The following SCN3B variants were observed in gnomAD, a reference collection of about 807,000 sequenced individuals.
SCN3B encodes sodium voltage-gated channel beta subunit 3.
Under a neutral mutation model 25.4 loss-of-function variants are expected in SCN3B, and 11 were observed. The observed-to-expected ratio is 0.43, with a 90% CI of 0.27 to 0.72. The LOEUF is 0.72. SCN3B is among the 30% of genes least tolerant of loss of function. The pLI is 0.18. For synonymous variants in SCN3B, 109 were observed against 110.7 expected, an observed-to-expected ratio of 0.99 and a Z score of 0.09; for missense variants, 218 against 278.3, an observed-to-expected ratio of 0.78 and a Z score of 1.54.
chr11:123,648,014 G>A (rs2137249994), intron 2 of SCN3B, among the ~76,000 whole-genome samples: 1 of 152,326 alleles, frequency 6.6e-6, no homozygotes, highest in East Asian at 1.9e-4. Context: ...TGAGTCTGAA[G>A]TATTGATTAT....
Position 123,642,670 on chromosome 11 carries a change from A to C in SCN3B, c.221T>G (p.Ile74Ser). The C allele has an allele frequency of 6.2e-7, 1 of 1,613,132 alleles. No homozygotes were observed. Among genetic ancestry groups the C allele is most frequent in the East Asian group, 2.2e-5 (1 of 44,864 alleles). Residue 74 changes from isoleucine (I) to serine (S), a missense_variant and splice_region_variant, in exon 4 of 7, where the codon ATT becomes AGT. Coordinates refer to ENST00000299333, the MANE Select transcript of SCN3B (RefSeq NM_001040151.2). This position sits in a 1 kb window ranked among gnomAD's most constrained non-coding sequence, Gnocchi z 4.3. ...YRPEGGKDFL[I>S]YEYRNGHQEV... is the part of the protein sequence containing the mutation. ...CTGGTGGCCATTCCGATACTCGTAA[A>C]TCTGCAGATAGAGGAGCAGAAGAGG...
intron 1 of SCN3B, 180 bp downstream of exon 1, chr11:123,654,046 T>TA (rs1955963949): frequency 1.7e-6 from 1 of 576,882 alleles, no homozygotes; most frequent in African/African-American, 1.9e-5. Context: ...GATCAGCCGC[T>TA]CCGCGCCCGC....
chr11:123,636,866 T>C (rs1955732986), intron 5 of SCN3B, among the ~76,000 whole-genome samples: 1 of 152,140 alleles, frequency 6.6e-6, no homozygotes, highest in Admixed American at 6.5e-5. Flanking sequence ...GCTAATTTTT[T>C]GTAGTTTTAG....
chr11:123,641,384 T>G (rs951945116), intron 4 of SCN3B, among the ~76,000 whole-genome samples: 3 of 152,232 alleles, frequency 2.0e-5, no homozygotes, highest in African/African-American at 7.2e-5. Context: ...TGTCTCTTTC[T>G]CCTTTGTTCA....
rs907995787 is a variant in SCN3B, at chr11:123,632,614, C to T, written c.*1185G>A. On this transcript the variant is annotated 3_prime_UTR_variant, in exon 7 of 7. Transcript: ENST00000299333. ...ACTAGCCTGGCCAACATAGTCAAAC[C>T]CTGTCTGTACTAAAAATACAAAATT... 1 of 152,034 alleles carries T rather than the reference C, an allele frequency of 6.6e-6. No individual in the cohort carries two copies. Among genetic ancestry groups the T allele is most frequent in the African/African-American group, 2.4e-5 (1 of 41,372 alleles). 9.4% of individuals were successfully genotyped at this position (152,034 alleles called of 1,614,324 possible).
In SCN3B at chr11:123,645,594, T is replaced by A. The variant is rs751036332; in HGVS notation, c.212A>T (p.Asp71Val). 1.2e-6 allele frequency: 2 copies of A among 1,613,926 alleles called. No homozygotes were observed. The highest frequency in any genetic ancestry group is 2.2e-5 in the South Asian group (2 of 91,088). Reference protein sequence around the residue: ...EWFYRPEGGKDFLIYEYRNGH... With the variant: ...EWFYRPEGGKVFLIYEYRNGH... ...GTCAGCAGTCTAACATACAAGGAAA[T>A]CTTTACCGCCCTCGGGCCTGTAGAA... The change falls in exon 3 of 7, where the codon GAT becomes GTT. Residue 71 changes from aspartate (D) to valine (V), a missense_variant. By Grantham distance (152) the Asp-to-Val change is radical (BLOSUM62 -3). Transcript: ENST00000299333.
chr11:123,651,632 G>C (rs1472113357), intron 2 of SCN3B, among the ~76,000 whole-genome samples: 1 of 152,170 alleles, frequency 6.6e-6, no homozygotes, highest in Non-Finnish European at 1.5e-5. Flanking sequence ...CCAAATTGTT[G>C]GGATTACAGG....
chr11:123,647,293 T>C (rs1955864857), intron 2 of SCN3B, among the ~76,000 whole-genome samples: 1 of 151,942 alleles, frequency 6.6e-6, no homozygotes, highest in Admixed American at 6.6e-5. Context: ...CTGGGCAACA[T>C]AGTGAGACCC....
chr11:123,633,602 T>C lies in SCN3B; in HGVS notation c.*197A>G, dbSNP rs1955695304. 5.0e-6 allele frequency: 1 copy of C among 199,634 alleles called. No homozygotes were observed. The highest frequency in any genetic ancestry group is 2.3e-5 in the African/African-American group (1 of 43,104). 12.4% of individuals were successfully genotyped at this position (199,634 alleles called of 1,614,324 possible). A position where few individuals can be genotyped will look rare whatever the true frequency, so the allele number is the denominator to read the frequency against. Reference sequence around the variant, plus strand: ...GGCAGAGTCTTATGGTGCGTAGAGGTCTGATGGAGTTAGGGAGTCAGAGGT... The same window carrying C: ...GGCAGAGTCTTATGGTGCGTAGAGGCCTGATGGAGTTAGGGAGTCAGAGGT... On this transcript the variant is annotated 3_prime_UTR_variant, in exon 7 of 7. Coordinates refer to ENST00000299333, the MANE Select transcript of SCN3B (RefSeq NM_001040151.2).
chr11:123,637,405 A>G (rs771591380), intron 5 of SCN3B, among the ~76,000 whole-genome samples: 11 of 152,216 alleles, frequency 7.2e-5, no homozygotes, highest in Non-Finnish European at 1.6e-4. Context: ...AGCACTAGAG[A>G]GACCTGGGTT....
chr11:123,640,952 C>A (rs2137239776), intron 4 of SCN3B: 1 of 152,238 alleles, frequency 6.6e-6, no homozygotes, highest in East Asian at 1.9e-4. Flanking sequence ...GTTTTTCCTT[C>A]TGTTTTTACC....
chr11:123,641,985 A>G (rs905795441), intron 4 of SCN3B, among the ~76,000 whole-genome samples: 1 of 152,168 alleles, frequency 6.6e-6, no homozygotes, highest in African/African-American at 2.4e-5. Flanking sequence ...AAAGCCCTGC[A>G]GGAGATTTTG....
At position 123,642,528 on chromosome 11, in the gene SCN3B, A is replaced by G. The variant is rs886038881; in HGVS notation, c.363T>C (p.Asn121=). The G allele has an allele frequency of 2.5e-6, 4 of 1,614,090 alleles. No homozygotes were observed. Among genetic ancestry groups the G allele is most frequent in the Non-Finnish European group, 3.4e-6 (4 of 1,179,990 alleles). ...TLNDSGLYTC[N]VSREFEFEAH... is the part of the protein sequence containing the mutation. ...CCTCAAACTCAAACTCCCGGGACAC[A>G]TTGCAGGTGTAGAGGCCAGAGTCGT... Residue 121 remains asparagine, a synonymous_variant, in exon 4 of 7, where the codon AAT becomes AAC. Transcript: ENST00000299333. The surrounding 1 kb of genome is among the most constrained non-coding windows in gnomAD (Gnocchi z 4.3).
intron 5 of SCN3B, among the ~76,000 whole-genome samples, chr11:123,637,506 C>T (rs1489474182): frequency 1.3e-5 from 2 of 151,946 alleles, no homozygotes; most frequent in African/African-American, 4.8e-5. Context: ...AATAATGTTA[C>T]TTTTTTGTTG....
rs1373489378 is a variant in SCN3B, at chr11:123,642,836, G to GC, written c.220-166dup. Among the ~76,000 whole-genome samples, 1 of 152,060 alleles carries GC rather than the reference G, an allele frequency of 6.6e-6. No individual in the cohort carries two copies. The highest frequency in any genetic ancestry group is 1.5e-5 in the Non-Finnish European group (1 of 68,000). ...CAGAATGTGGGGGTGGGATGAAGAGGCACAGAGGAGGGTAGGGAAGGGAGC... is the reference window on the plus strand; with the variant it reads ...CAGAATGTGGGGGTGGGATGAAGAGGCCACAGAGGAGGGTAGGGAAGGGAGC... On this transcript the variant is annotated intron_variant, in intron 3 of 6. Coordinates refer to ENST00000299333, the MANE Select transcript of SCN3B (RefSeq NM_001040151.2). The surrounding 1 kb of genome is among the most constrained non-coding windows in gnomAD (Gnocchi z 4.3).
intron 5 of SCN3B, among the ~76,000 whole-genome samples, chr11:123,637,560 G>A (rs1050097052): frequency 1.3e-5 from 2 of 152,006 alleles, no homozygotes; most frequent in African/African-American, 4.8e-5. Flanking sequence ...ATGGAGTCTC[G>A]CTCTGTCACC....
In SCN3B at chr11:123,629,636, T is replaced by C. The variant is rs1955644567; in HGVS notation, c.*4163A>G. ...GCTGCTTTTCAGACCTGTGACTGCA[T>C]GGCACACTAAAGGTCTAGGCTAGAG... is the stretch of plus-strand genomic sequence containing the variant. On this transcript the variant is annotated 3_prime_UTR_variant, in exon 7 of 7. Transcript: ENST00000299333. 6.6e-6 allele frequency: 1 copy of C among 152,276 alleles called. No homozygotes were observed. Among genetic ancestry groups the C allele is most frequent in the South Asian group, 2.1e-4 (1 of 4,832 alleles). 9.4% of individuals were successfully genotyped at this position (152,276 alleles called of 1,614,324 possible).
At chr11:123,635,665 A>G (rs1245020195) in intron 5 of SCN3B, among the ~76,000 whole-genome samples, 3 of 151,984 alleles carry the variant, frequency 2.0e-5, no homozygotes, top group East Asian at 1.9e-4. Context: ...CAGCCTGGGC[A>G]ACAGAGCGAG....
At chr11:123,649,430 T>C (rs904741848) in intron 2 of SCN3B, among the ~76,000 whole-genome samples, 1 of 152,140 alleles carries the variant, frequency 6.6e-6, no homozygotes, top group Non-Finnish European at 1.5e-5. Flanking sequence ...TTTCAGGGCA[T>C]GAGAACTCTG....
Sources: gnomAD v4.1 joint callset for allele counts (sites outside exome capture counted in the v4.1 genomes callset) on GRCh38, gnomAD v4.1.1 for gene constraint, Gnocchi (gnomAD v3.1) non-coding constraint, MANE v1.5 for transcripts, NCBI Gene and HGNC (gene_info 2026-07-23, HGNC 2026-07-21) for gene names.